Variants in HRH2 observed in about 807,000 individuals in gnomAD.
HRH2 encodes histamine H2 receptor.
Under a neutral mutation model 20.1 loss-of-function variants are expected in HRH2, and 4 were observed. The observed-to-expected ratio is 0.20, with a 90% CI of 0.10 to 0.45. HRH2 has a LOEUF of 0.45. Among genes scored for constraint, HRH2 ranks in the 20% least tolerant of loss-of-function variants. HRH2 has a pLI of 0.99. For synonymous variants in HRH2, 197 were observed against 200.7 expected (o/e 0.98, Z 0.16); for missense variants, 250 against 461.6 (o/e 0.54, Z 4.20).
rs13162969 is a variant in HRH2, at chr5:175,693,473, C to T, written c.1076+9164C>T. Among the ~76,000 whole-genome samples the T allele has an allele frequency of 0.13, 20,378 of 152,114 alleles. 2,425 individuals carry two copies. Among genetic ancestry groups the T allele is most frequent in the African/African-American group, 0.32 (13,143 of 41,450 alleles). ...AGTAGCGAGGGCCTCACAGACGGGA[C>T]GTCGCAGGTCCATGGAGGACACTCA... On this transcript the variant is annotated intron_variant, in intron 2 of 2. Transcript: ENST00000636584. This position sits in a 1 kb window ranked among gnomAD's most constrained non-coding sequence, Gnocchi z 4.4.
chr5:175,667,516 A>G (rs1452338614), intron 1 of HRH2, among the ~76,000 whole-genome samples: 2 of 149,212 alleles, frequency 1.3e-5, no homozygotes, highest in Non-Finnish European at 3.0e-5. Flanking sequence ...AACCAGTACG[A>G]CCACCCAAAG....
Position 175,687,142 on chromosome 5 carries a change from A to G in HRH2, c.1076+2833A>G, listed in dbSNP as rs1277124870. ...GCAGGGGCAGAGGGCTTTGGCAGAGAAGGGTGGGGGAGCCAGTCAGAGGGC... is the reference window on the plus strand; with the variant it reads ...GCAGGGGCAGAGGGCTTTGGCAGAGGAGGGTGGGGGAGCCAGTCAGAGGGC... On this transcript the variant is annotated intron_variant, in intron 2 of 2. Transcript: ENST00000636584. This position sits in a 1 kb window ranked among gnomAD's most constrained non-coding sequence, Gnocchi z 5.2. Among the ~76,000 whole-genome samples the G allele has an allele frequency of 6.6e-6, 1 of 152,024 alleles. No individual in the cohort carries two copies. The highest frequency in any genetic ancestry group is 1.5e-5 in the Non-Finnish European group (1 of 67,976).
At chr5:175,674,877 C>T (rs1304214944) in intron 1 of HRH2, among the ~76,000 whole-genome samples, 1 of 152,210 alleles carries the variant, frequency 6.6e-6, no homozygotes, top group Non-Finnish European at 1.5e-5. Context: ...AGTTAGACAC[C>T]TGCAACCACA....
intron 2 of HRH2, among the ~76,000 whole-genome samples, chr5:175,705,367 G>A (rs1756913074): frequency 6.6e-6 from 1 of 152,184 alleles, no homozygotes; most frequent in Non-Finnish European, 1.5e-5. Context: ...CCGGGGGACA[G>A]GTCCAGTGAA....
At chr5:175,676,285 G>A (rs1755757506) in intron 1 of HRH2, among the ~76,000 whole-genome samples, 1 of 152,246 alleles carries the variant, frequency 6.6e-6, no homozygotes. Flanking sequence ...AGGTATGTGT[G>A]TGCCGGAGTA....
chr5:175,685,523 A>G, intron 2 of HRH2: 1 of 1,502,256 alleles, frequency 6.7e-7, no homozygotes, highest in Non-Finnish European at 9.1e-7. Flanking sequence ...GCCAGGAATT[A>G]TGATGAATAC....
chr5:175,661,727 A>G (rs369865489), intron 1 of HRH2, among the ~76,000 whole-genome samples: 1 of 152,242 alleles, frequency 6.6e-6, no homozygotes, highest in African/African-American at 2.4e-5. Flanking sequence ...GGCATATAAA[A>G]GATGCCATCT....
At chr5:175,706,853 C>G (rs1756955819) in intron 2 of HRH2, among the ~76,000 whole-genome samples, 1 of 152,202 alleles carries the variant, frequency 6.6e-6, no homozygotes, top group Non-Finnish European at 1.5e-5. Flanking sequence ...ACGCTAAAGG[C>G]ATGACGGTTC....
At chr5:175,666,940 G>A (rs1231145971) in intron 1 of HRH2, among the ~76,000 whole-genome samples, 1 of 151,960 alleles carries the variant, frequency 6.6e-6, no homozygotes, top group Non-Finnish European at 1.5e-5. Context: ...TCCAATCCCT[G>A]CTCAAAAAAT....
chr5:175,673,257 A>C (rs1215641311), intron 1 of HRH2, among the ~76,000 whole-genome samples: 1 of 152,052 alleles, frequency 6.6e-6, no homozygotes, highest in Admixed American at 6.6e-5. Context: ...GTGTGTATGC[A>C]TGTGCGCGTT....
intron 1 of HRH2, among the ~76,000 whole-genome samples, chr5:175,676,372 A>G (rs544240827): frequency 2.1e-4 from 32 of 152,362 alleles, no homozygotes; most frequent in Admixed American, 1.6e-3. Context: ...CCTCAGAGCC[A>G]AAGCTCCAGT....
At chr5:175,669,512 C>T (rs1042787628) in intron 1 of HRH2, among the ~76,000 whole-genome samples, 1 of 152,058 alleles carries the variant, frequency 6.6e-6, no homozygotes, top group Non-Finnish European at 1.5e-5. Context: ...TACAGGCACA[C>T]ACCAGCACAC....
At chr5:175,658,356 GC>G (rs2113459066) in intron 1 of HRH2, among the ~76,000 whole-genome samples, 1 of 152,304 alleles carries the variant, frequency 6.6e-6, no homozygotes, top group East Asian at 1.9e-4. Context: ...CCTCCGCCTG[GC>G]CTGCGAGCCT....
intron 1 of HRH2, among the ~76,000 whole-genome samples, chr5:175,670,570 C>A (rs552789009): frequency 1.3e-5 from 2 of 152,352 alleles, no homozygotes; most frequent in East Asian, 3.9e-4. Context: ...ACAGTGACCA[C>A]TAGGCTATTT....
At chr5:175,675,938 C>A (rs548825867) in intron 1 of HRH2, among the ~76,000 whole-genome samples, 3 of 152,356 alleles carry the variant, frequency 2.0e-5, no homozygotes, top group Admixed American at 6.5e-5. Flanking sequence ...GCCATCCCTA[C>A]CCTCTCACTG....
intron 1 of HRH2, among the ~76,000 whole-genome samples, chr5:175,678,969 G>A (rs1462131285): frequency 3.9e-5 from 6 of 152,146 alleles, no homozygotes; most frequent in South Asian, 2.1e-4. Context: ...AGATGGTCTC[G>A]CCCCTCTGGT....
At chr5:175,674,207 T>A (rs1019902669) in intron 1 of HRH2, among the ~76,000 whole-genome samples, 3 of 152,194 alleles carry the variant, frequency 2.0e-5, no homozygotes, top group African/African-American at 7.2e-5. Flanking sequence ...GCTGGTTTCA[T>A]GCCTTCTGCG....
chr5:175,702,478 A>C (rs1256220070), intron 2 of HRH2, among the ~76,000 whole-genome samples: 1 of 151,958 alleles, frequency 6.6e-6, no homozygotes, highest in Non-Finnish European at 1.5e-5. Flanking sequence ...AGGAAGGAAA[A>C]AAAAGATATA....
intron 2 of HRH2, among the ~76,000 whole-genome samples, chr5:175,694,193 G>A (rs933715283): frequency 5.9e-5 from 9 of 152,052 alleles, no homozygotes; most frequent in African/African-American, 1.2e-4. Context: ...ATTCTGCTCC[G>A]GGACCTCATA....
Sources: gnomAD v4.1 joint callset for allele counts (sites outside exome capture counted in the v4.1 genomes callset) on GRCh38, gnomAD v4.1.1 for gene constraint, Gnocchi (gnomAD v3.1) non-coding constraint, MANE v1.5 for transcripts, NCBI Gene and HGNC (gene_info 2026-07-23, HGNC 2026-07-21) for gene names.